OVCH1: variants seen among roughly 807,000 people sequenced by gnomAD.
OVCH1 encodes the protein ovochymase 1.
Under a neutral mutation model 138.4 loss-of-function variants are expected in OVCH1, and 139 were observed. The observed-to-expected ratio is 1.00, with a 90% CI of 0.87 to 1.16. The LOEUF is 1.16. Among genes scored for constraint, OVCH1 ranks in the 50% most tolerant of loss-of-function variants. The probability of loss-of-function intolerance (pLI) is 0.00; values close to 1 mark genes in which losing one functional copy is unlikely to be tolerated. For synonymous variants in OVCH1, 453 were observed against 467.8 expected, an observed-to-expected ratio of 0.97 and a Z score of 0.41; for missense variants, 1,367 against 1,357.9, an observed-to-expected ratio of 1.01 and a Z score of -0.11.
intron 24 of OVCH1, 105 bp downstream of exon 24, chr12:29,444,040 G>C: frequency 1.5e-6 from 2 of 1,313,018 alleles, no homozygotes; most frequent in East Asian, 2.5e-5. Flanking sequence ...ATTCTTTTTG[G>C]AAAAAAGGTG....
At chr12:29,472,796 A>C (rs1431254769) in intron 15 of OVCH1, among the ~76,000 whole-genome samples, 1 of 152,200 alleles carries the variant, frequency 6.6e-6, no homozygotes, top group Non-Finnish European at 1.5e-5. Flanking sequence ...TGAGGACAAA[A>C]CATTGCTTTA....
At chr12:29,451,703 TTC>T (rs1259460582) in intron 21 of OVCH1, 134 bp from the exon 22 acceptor site, 16 of 658,974 alleles carry the variant, frequency 2.4e-5, no homozygotes, top group Non-Finnish European at 3.8e-5. Context: ...TTACAAATTA[TTC>T]TGTTAGAAAA....
chr12:29,470,374 C>T (rs1942461269), intron 16 of OVCH1, among the ~76,000 whole-genome samples: 1 of 152,044 alleles, frequency 6.6e-6, no homozygotes, highest in Middle Eastern at 3.2e-3. Flanking sequence ...CTAATGCTCT[C>T]CCTCCCCTTG....
chr12:29,465,798 AT>A, intron 16 of OVCH1, among the ~76,000 whole-genome samples: 1 of 152,192 alleles, frequency 6.6e-6, no homozygotes, highest in East Asian at 1.9e-4. Context: ...TTAAAGCTTA[AT>A]TTCACAGTGA....
chr12:29,477,162 C>CA lies in OVCH1; in HGVS notation c.1316dup (p.Leu439PhefsTer5). 6.2e-7 allele frequency: 1 copy of CA among 1,613,600 alleles called. No individual in the cohort carries two copies. The highest frequency in any genetic ancestry group is 8.5e-7 in the Non-Finnish European group (1 of 1,179,774). ...AATGACACCTTGTGTTACTGGGATA[C>CA]AAATCAGGATACTTGGCAGAGTGAT... On this transcript the variant is annotated frameshift_variant, in exon 12 of 28. Transcript: ENST00000318184. LOFTEE classifies it high-confidence loss of function.
In OVCH1 at chr12:29,483,576, A is replaced by G. The variant is rs148096758; in HGVS notation, c.995+2670T>C. 3.9e-4 allele frequency among the ~76,000 whole-genome samples: 59 copies of G among 152,282 alleles called. 2 individuals are homozygous for G. The East Asian group carries it at 0.011, about 29-fold the overall frequency. On this transcript the variant is annotated intron_variant, in intron 8 of 27. Coordinates refer to ENST00000318184, the Ensembl canonical transcript of OVCH1. ...TGCATGGAACTCAAGGTCCTCTGCA[A>G]TTAAGTCCCGATCATCCTTTCTATT...
intron 16 of OVCH1, among the ~76,000 whole-genome samples, chr12:29,466,375 AAAG>A (rs1942322058): frequency 1.4e-5 from 2 of 141,248 alleles, no homozygotes; most frequent in Non-Finnish European, 1.5e-5. Flanking sequence ...TGCAAGAAAA[AAAG>A]AATATGTTTA....
rs541341809 is a variant in OVCH1, at chr12:29,458,040, G to A, written c.2281-2635C>T. ...CTAGAAGGCAAATCAATGTGGCTGA[G>A]GACATATATTATTCTGTGAAGATAG... On this transcript the variant is annotated intron_variant, in intron 19 of 27. Transcript: ENST00000318184. Among the ~76,000 whole-genome samples the A allele has an allele frequency of 1.2e-4, 18 of 152,182 alleles. No individual in the cohort carries two copies. In the South Asian group the frequency reaches 3.5e-3, roughly 30 times the overall value.
At chr12:29,404,016 T>G in the OVCH1 span, among the ~76,000 whole-genome samples, 1 of 152,250 alleles carries the variant, frequency 6.6e-6, no homozygotes, top group African/African-American at 2.4e-5. Flanking sequence ...TAATATTGAA[T>G]GTACAAACAC....
rs148640025 is a variant in OVCH1, at chr12:29,442,245, G to A, written c.3157+1116C>T. 2.9e-3 allele frequency among the ~76,000 whole-genome samples: 441 copies of A among 152,018 alleles called. 4 individuals are homozygous for A. Among genetic ancestry groups the A allele is most frequent in the African/African-American group, 9.0e-3 (372 of 41,448 alleles). On this transcript the variant is annotated intron_variant, in intron 25 of 27. Transcript: ENST00000318184. ...GCCAAATGTCCAACAATGATAGACC[G>A]GATCAAGAAAATGTGGCACATATAC...
chr12:29,470,300 T>A (rs1942458953), intron 16 of OVCH1, among the ~76,000 whole-genome samples: 1 of 152,156 alleles, frequency 6.6e-6, no homozygotes, highest in Non-Finnish European at 1.5e-5. Context: ...TCTGCCACAG[T>A]GGTTTGCTGC....
At chr12:29,447,498 T>C (rs10771535) in intron 22 of OVCH1, among the ~76,000 whole-genome samples, 62,987 of 151,992 alleles carry the variant, frequency 0.41, 13,971 homozygotes, top group East Asian at 0.58. Flanking sequence ...CAAAAATTCA[T>C]GAAAAAGAAA....
At chr12:29,453,264 T>G (rs1167740174) in intron 21 of OVCH1, among the ~76,000 whole-genome samples, 2 of 149,732 alleles carry the variant, frequency 1.3e-5, no homozygotes, top group Non-Finnish European at 2.9e-5. Flanking sequence ...CTTTGACTCT[T>G]TGACTCATGT....
At chr12:29,487,967 A>G (rs1943160396) in intron 6 of OVCH1, 85 bp from the exon 7 acceptor site, 1 of 1,327,344 alleles carries the variant, frequency 7.5e-7, no homozygotes, top group African/African-American at 1.5e-5. Context: ...AGCACTCATC[A>G]CAAAGTGAAA....
intron 12 of OVCH1, among the ~76,000 whole-genome samples, chr12:29,476,756 C>T (rs1222727032): frequency 4.6e-4 from 2 of 4,342 alleles, no homozygotes; most frequent in East Asian, 0.021. Flanking sequence ...CACACGCGCG[C>T]ACACACACAC....
In OVCH1 at chr12:29,487,899, A is replaced by G. The variant is rs1327932446; in HGVS notation, c.703-17T>C. 6.3e-7 allele frequency: 1 copy of G among 1,591,056 alleles called. No individual in the cohort carries two copies. The highest frequency in any genetic ancestry group is 1.1e-5 in the South Asian group (1 of 87,716). On this transcript the variant is annotated splice_polypyrimidine_tract_variant and intron_variant, in intron 6 of 27. Coordinates refer to ENST00000318184, the Ensembl canonical transcript of OVCH1. Reference sequence around the variant, plus strand: ...AGAGTCCCCCTTTCATGGTACAAAAAAAGAGAAAATTTGAAAATAGCCACA... The same window carrying G: ...AGAGTCCCCCTTTCATGGTACAAAAGAAGAGAAAATTTGAAAATAGCCACA...
At chr12:29,430,515 C>T (rs1020998651) in intron 27 of OVCH1, among the ~76,000 whole-genome samples, 4 of 152,110 alleles carry the variant, frequency 2.6e-5, no homozygotes, top group Non-Finnish European at 4.4e-5. Context: ...GGTGAGGTTC[C>T]CAGGTCAATG....
Position 29,433,783 on chromosome 12 carries a change from TTC to T in OVCH1, c.3293_3294del (p.Arg1098LysfsTer12), listed in dbSNP as rs1353933145. 1.4e-6 allele frequency: 2 copies of T among 1,425,414 alleles called. No individual in the cohort carries two copies. The highest frequency in any genetic ancestry group is 1.9e-6 in the Non-Finnish European group (2 of 1,061,008). The allele number at this position is 1,425,414 out of a possible 1,614,324, so 88.3% of individuals were successfully genotyped here. A position where few individuals can be genotyped will look rare whatever the true frequency, so the allele number is the denominator to read the frequency against. On this transcript the variant is annotated frameshift_variant, in exon 27 of 28. Coordinates refer to ENST00000318184, the Ensembl canonical transcript of OVCH1. LOFTEE classifies it low-confidence loss of function (END_TRUNC). ...AAATTTGATGCAAATTTCTTCTGTT[TTC>T]TTTTTCCAACACTTCTTACATTATC...
chr12:29,464,613 A>C (rs751916501), exon 18 of OVCH1: 37 of 1,613,470 alleles, frequency 2.3e-5, no homozygotes, highest in Non-Finnish European at 2.9e-5. Flanking sequence ...TGTACTCCAG[A>C]GGAGAGCTTA....
Sources: allele counts gnomAD v4.1 joint callset (sites outside exome capture counted in the v4.1 genomes callset), GRCh38; gene constraint gnomAD v4.1.1; transcripts MANE v1.5; gene names NCBI Gene and HGNC (gene_info 2026-07-23, HGNC 2026-07-21).